Variants in TRDN observed in about 807,000 individuals in gnomAD.
The protein encoded by TRDN is triadin in skeletal muscle.
A neutral mutation model predicts 149.7 loss-of-function variants in TRDN; 161 were observed. The ratio of observed to expected loss-of-function variants is 1.08; its 90% CI spans 0.95 to 1.23. The LOEUF (loss-of-function observed/expected upper bound fraction) is 1.23. Ranked by LOEUF, TRDN falls within the 50% of genes most tolerant of loss-of-function variation. TRDN has a pLI of 0.00. For missense variants in TRDN, 896 were observed against 823.5 expected (o/e 1.09, Z -1.08); for synonymous variants, 294 against 250.5 (o/e 1.17, Z -1.64).
intron 12 of TRDN, among the ~76,000 whole-genome samples, chr6:123,404,494 G>A (rs1051307237): frequency 5.9e-5 from 9 of 152,090 alleles, no homozygotes; most frequent in African/African-American, 2.2e-4. Context: ...TGTCACCCAG[G>A]CGGGAGTGCA....
rs147791161 is a variant in TRDN, at chr6:123,506,197, A to G, written c.611-2296T>C. On this transcript the variant is annotated intron_variant, in intron 7 of 40. Coordinates refer to ENST00000334268, the MANE Select transcript of TRDN (RefSeq NM_006073.4). The stretch of plus-strand genomic sequence containing the variant: ...CCTAAAAAACACTTCTAGAGAGTCT[A>G]TGTTGACCTGGGCTCACAGCTAGTT... Among the ~76,000 whole-genome samples, 452 of 152,300 alleles carry G rather than the reference A, an allele frequency of 3.0e-3. 6 individuals carry two copies. Among genetic ancestry groups the G allele is most frequent in the African/African-American group, 0.01 (419 of 41,574 alleles).
intron 10 of TRDN, among the ~76,000 whole-genome samples, chr6:123,446,584 CAA>C (rs572029827): frequency 0.12 from 7,069 of 59,818 alleles, 70 homozygotes; most frequent in South Asian, 0.25. Flanking sequence ...GATTCCATCT[CAA>C]AAAAAAAAAA....
At chr6:123,481,720 C>T (rs1361109464) in intron 9 of TRDN, among the ~76,000 whole-genome samples, 2 of 152,104 alleles carry the variant, frequency 1.3e-5, no homozygotes, top group East Asian at 1.9e-4. Context: ...TCATCTCTGA[C>T]AAACAATCTC....
intron 37 of TRDN, among the ~76,000 whole-genome samples, chr6:123,253,067 T>A (rs1176702560): frequency 6.6e-6 from 1 of 152,074 alleles, no homozygotes; most frequent in Admixed American, 6.6e-5. Flanking sequence ...ATAAAATAAA[T>A]AATTACCAGA....
intron 1 of TRDN, among the ~76,000 whole-genome samples, chr6:123,576,953 G>A (rs77299704): frequency 0.018 from 2,683 of 151,802 alleles, 35 homozygotes; most frequent in Non-Finnish European, 0.024. Context: ...CACATGTACT[G>A]CCAAACTTAA....
intron 1 of TRDN, among the ~76,000 whole-genome samples, chr6:123,588,808 G>T (rs185853878): frequency 6.5e-4 from 99 of 152,162 alleles, no homozygotes; most frequent in African/African-American, 2.3e-3. Context: ...ATCTTTTTCT[G>T]GGAATGTTTA....
chr6:123,589,470 A>G (rs1400564618), intron 1 of TRDN, among the ~76,000 whole-genome samples: 1 of 152,188 alleles, frequency 6.6e-6, no homozygotes, highest in African/African-American at 2.4e-5. Context: ...GAGTAATGAC[A>G]TGCCATTTCA....
chr6:123,303,610 A>G (rs529365394), intron 24 of TRDN, among the ~76,000 whole-genome samples: 6 of 152,160 alleles, frequency 3.9e-5, no homozygotes, highest in Non-Finnish European at 5.9e-5. Flanking sequence ...TGAGGGACTG[A>G]GTGAAAGGGG....
chr6:123,625,068 T>C (rs1191098107), intron 1 of TRDN, among the ~76,000 whole-genome samples: 4 of 69,038 alleles, frequency 5.8e-5, no homozygotes, highest in East Asian at 6.2e-4. Flanking sequence ...TCCTGTCTCT[T>C]TTTTTTTTTT....
At chr6:123,622,520 G>A (rs963339532) in intron 1 of TRDN, among the ~76,000 whole-genome samples, 1 of 152,018 alleles carries the variant, frequency 6.6e-6, no homozygotes, top group African/African-American at 2.4e-5. Context: ...AGAGTCAACC[G>A]CATATGTGAG....
chr6:123,245,405 C>G (rs1776135054), intron 38 of TRDN, among the ~76,000 whole-genome samples: 1 of 151,478 alleles, frequency 6.6e-6, no homozygotes, highest in Admixed American at 6.6e-5. Flanking sequence ...GAAGATTTAC[C>G]AAGCAAATGG....
intron 12 of TRDN, chr6:123,411,682 A>G (rs11154154): frequency 0.39 from 59,805 of 152,106 alleles, 12,143 homozygotes; most frequent in Middle Eastern, 0.48. Context: ...GCCACATAGT[A>G]AGAACTTTCC....
At chr6:123,621,869 G>A (rs1335989066) in intron 1 of TRDN, among the ~76,000 whole-genome samples, 1 of 152,154 alleles carries the variant, frequency 6.6e-6, no homozygotes, top group African/African-American at 2.4e-5. Context: ...AGTATGGATA[G>A]ATGAATATGG....
At chr6:123,612,678 C>T (rs1215784205) in intron 1 of TRDN, among the ~76,000 whole-genome samples, 4 of 151,440 alleles carry the variant, frequency 2.6e-5, no homozygotes, top group Admixed American at 6.6e-5. Context: ...GCTGGGACTA[C>T]AGGCACGCAC....
intron 2 of TRDN, among the ~76,000 whole-genome samples, chr6:123,568,198 A>C (rs1010841304): frequency 2.0e-5 from 3 of 152,188 alleles, no homozygotes; most frequent in Non-Finnish European, 2.9e-5. Context: ...TAACCTGGGA[A>C]CACTGATATG....
At chr6:123,367,996 T>C (rs1781180923) in intron 19 of TRDN, among the ~76,000 whole-genome samples, 1 of 152,180 alleles carries the variant, frequency 6.6e-6, no homozygotes, top group Non-Finnish European at 1.5e-5. Flanking sequence ...CTCTGTGTCC[T>C]CTGTCCATCA....
chr6:123,525,395 C>A (rs1178541607), intron 5 of TRDN, among the ~76,000 whole-genome samples: 1 of 152,046 alleles, frequency 6.6e-6, no homozygotes, highest in Non-Finnish European at 1.5e-5. Flanking sequence ...GGAATTATGT[C>A]CTCTGCAGCA....
At chr6:123,270,926 A>C (rs2114612287) in intron 30 of TRDN, among the ~76,000 whole-genome samples, 1 of 152,016 alleles carries the variant, frequency 6.6e-6, no homozygotes, top group Non-Finnish European at 1.5e-5. Flanking sequence ...AAGTTATGCT[A>C]CTCTAGCTAT....
At chr6:123,517,178 A>T (rs1779451290) in intron 5 of TRDN, among the ~76,000 whole-genome samples, 1 of 152,040 alleles carries the variant, frequency 6.6e-6, no homozygotes, top group Non-Finnish European at 1.5e-5. Flanking sequence ...GTATGAAATG[A>T]CCTAATCTAA....
Sources: allele counts gnomAD v4.1 joint callset (sites outside exome capture counted in the v4.1 genomes callset), GRCh38; gene constraint gnomAD v4.1.1; transcripts MANE v1.5; gene names NCBI Gene and HGNC (gene_info 2026-07-23, HGNC 2026-07-21).